METTL25: variants seen among roughly 807,000 people sequenced by gnomAD.
METTL25 encodes the protein probable methyltransferase-like protein 25.
A neutral mutation model predicts 71.6 loss-of-function variants in METTL25; 64 were observed. The observed-to-expected ratio is 0.89, with a 90% confidence interval of 0.73 to 1.10. The LOEUF is 1.10. METTL25 is among the 50% of genes least tolerant of loss of function. METTL25 has a pLI of 0.00. For missense variants in METTL25, 807 were observed against 707.0 expected (o/e 1.14, Z -1.60); for synonymous variants, 287 against 250.3 (o/e 1.15, Z -1.38).
At chr12:82,447,751 GTTTGT>G (rs1890858802) in intron 8 of METTL25, among the ~76,000 whole-genome samples, 1 of 152,006 alleles carries the variant, frequency 6.6e-6, no homozygotes, top group Non-Finnish European at 1.5e-5. Context: ...GGGTACAAGA[GTTTGT>G]TTTATTTACA....
intron 5 of METTL25, chr12:82,408,120 G>A: frequency 5.2e-6 from 1 of 191,252 alleles, no homozygotes; most frequent in Non-Finnish European, 9.6e-6. Flanking sequence ...AAGTTCTATA[G>A]GTAATTCTGA....
At chr12:82,367,258 T>C (rs1483679086) in intron 1 of METTL25, among the ~76,000 whole-genome samples, 2 of 152,228 alleles carry the variant, frequency 1.3e-5, no homozygotes, top group Non-Finnish European at 2.9e-5. Flanking sequence ...TTGCCTCTAT[T>C]CGTTTGGATT....
intron 5 of METTL25, among the ~76,000 whole-genome samples, chr12:82,408,539 A>T (rs569654308): frequency 6.6e-6 from 1 of 151,760 alleles, no homozygotes; most frequent in Non-Finnish European, 1.5e-5. Flanking sequence ...TGGGATAATT[A>T]TTATGGGTAT....
intron 2 of METTL25, 72 bp from the exon 3 acceptor site, chr12:82,389,744 A>G: frequency 1.1e-6 from 1 of 878,708 alleles, no homozygotes; most frequent in Non-Finnish European, 1.8e-6. Context: ...TTCAAAAAAT[A>G]TGAACATCTA....
At chr12:82,419,571 A>G (rs1017914785) in intron 5 of METTL25, among the ~76,000 whole-genome samples, 2 of 152,200 alleles carry the variant, frequency 1.3e-5, no homozygotes, top group Admixed American at 6.6e-5. Context: ...ACACTGCTTT[A>G]AAGAAGATGT....
intron 5 of METTL25, among the ~76,000 whole-genome samples, chr12:82,425,812 A>G (rs555339638): frequency 6.7e-4 from 102 of 152,226 alleles, no homozygotes; most frequent in African/African-American, 2.4e-3. Context: ...AAATGGTTCT[A>G]AAGTTCAAGC....
chr12:82,473,067 G>A (rs1476222150), intron 9 of METTL25, among the ~76,000 whole-genome samples: 1 of 151,986 alleles, frequency 6.6e-6, no homozygotes, highest in African/African-American at 2.4e-5. Context: ...TGTCCACATA[G>A]ATTCTTCAGA....
intron 9 of METTL25, among the ~76,000 whole-genome samples, chr12:82,461,892 A>G (rs915799442): frequency 2.0e-5 from 3 of 152,222 alleles, no homozygotes; most frequent in Non-Finnish European, 4.4e-5. Flanking sequence ...CACTGTCAAC[A>G]AACTACAAGC....
chr12:82,408,980 G>A (rs931657519), intron 5 of METTL25, among the ~76,000 whole-genome samples: 2 of 152,010 alleles, frequency 1.3e-5, no homozygotes, highest in African/African-American at 4.8e-5. Context: ...AGTTTGAATT[G>A]GGGCAGTGTT....
Position 82,358,677 on chromosome 12 carries a change from A to C in METTL25, c.112A>C (p.Thr38Pro). The stretch of plus-strand genomic sequence containing the variant: ...TGCCCTGTCCATTTCCAATGCACAT[A>C]CCGTGGATTTCTACACAGAATCCGT... ...RDALSISNAH[T>P]VDFYTESVWE... Residue 38 changes from threonine to proline, a missense_variant, in exon 1 of 12, where the codon ACC (threonine) becomes CCC (proline). Thr to Pro is a conservative substitution (Grantham distance 38). Coordinates refer to ENST00000248306, the MANE Select transcript of METTL25 (RefSeq NM_032230.3). The C allele has an allele frequency of 6.2e-7, 1 of 1,614,144 alleles. No homozygotes were observed. The highest frequency in any genetic ancestry group is 1.7e-5 in the Admixed American group (1 of 60,026).
chr12:82,434,969 A>G (rs548880010), intron 7 of METTL25, among the ~76,000 whole-genome samples: 2 of 151,676 alleles, frequency 1.3e-5, no homozygotes, highest in Admixed American at 1.3e-4. Flanking sequence ...ATTATACTAA[A>G]CAGTCTATAA....
At chr12:82,433,490 ATTT>A (rs929300634) in intron 6 of METTL25, among the ~76,000 whole-genome samples, 2 of 151,408 alleles carry the variant, frequency 1.3e-5, no homozygotes, top group African/African-American at 4.8e-5. Context: ...GGAATATTAC[ATTT>A]TTTTTCTTCA....
chr12:82,373,472 A>C (rs1448758763), intron 1 of METTL25, among the ~76,000 whole-genome samples: 2 of 152,182 alleles, frequency 1.3e-5, no homozygotes, highest in Non-Finnish European at 2.9e-5. Flanking sequence ...GCTAGAAATC[A>C]TTCATATAGG....
chr12:82,389,574 C>T (rs1409815443), intron 2 of METTL25, among the ~76,000 whole-genome samples: 1 of 151,988 alleles, frequency 6.6e-6, no homozygotes, highest in African/African-American at 2.4e-5. Context: ...GTCCACTTTA[C>T]CAGTCTTTTC....
chr12:82,386,024 G>A (rs1216014962), intron 1 of METTL25, among the ~76,000 whole-genome samples: 2 of 152,108 alleles, frequency 1.3e-5, no homozygotes, highest in Non-Finnish European at 2.9e-5. Flanking sequence ...TAGCACAACA[G>A]TTTATCATTC....
rs759680522 is a variant in METTL25 at position 82,358,581 on chromosome 12, C to T, written c.16C>T (p.Pro6Ser). Residue 6 changes from proline (P) to serine (S), a missense_variant, in exon 1 of 12, where the codon CCT becomes TCT. Physicochemically the swap from Pro to Ser is moderately conservative, Grantham distance 74. Transcript: ENST00000248306. MAASC[P>S]LPVTPDLPTL... ...GGTGAGCGTCATGGCGGCTTCTTGC[C>T]CTCTCCCGGTGACCCCGGACCTGCC... The T allele has an allele frequency of 5.0e-6, 8 of 1,611,758 alleles. No individual in the cohort carries two copies. The highest frequency in any genetic ancestry group is 1.3e-5 in the African/African-American group (1 of 74,928).
At chr12:82,457,611 A>G (rs1891581316) in intron 9 of METTL25, among the ~76,000 whole-genome samples, 1 of 152,006 alleles carries the variant, frequency 6.6e-6, no homozygotes, top group African/African-American at 2.4e-5. Flanking sequence ...TCCCCTTTAA[A>G]ATAGCTATAA....
chr12:82,358,977 A>C, intron 1 of METTL25, 153 bp downstream of exon 1: 1 of 590,666 alleles, frequency 1.7e-6, no homozygotes. Flanking sequence ...GGATTAGTTG[A>C]GGGGTGGGGT....
intron 5 of METTL25, among the ~76,000 whole-genome samples, chr12:82,411,373 G>C (rs1197730813): frequency 6.6e-6 from 1 of 151,990 alleles, no homozygotes; most frequent in Non-Finnish European, 1.5e-5. Context: ...GTTTTGAGCA[G>C]CTGGGTGGGT....
Sources: allele counts gnomAD v4.1 joint callset (sites outside exome capture counted in the v4.1 genomes callset), GRCh38; gene constraint gnomAD v4.1.1; transcripts MANE v1.5; gene names NCBI Gene and HGNC (gene_info 2026-07-23, HGNC 2026-07-21).